Variants in MYO5B observed in about 807,000 individuals in gnomAD.
The protein encoded by MYO5B is unconventional myosin-Vb.
In MYO5B, 143 loss-of-function variants were observed where a neutral mutation model predicts 229.3. The ratio of observed to expected loss-of-function variants is 0.62; its 90% confidence interval spans 0.54 to 0.72. The LOEUF is 0.72. Among genes scored for constraint, MYO5B ranks in the 30% least tolerant of loss-of-function variants. The pLI, the probability that MYO5B is intolerant of heterozygous loss-of-function variation, is 0.00. For missense variants in MYO5B, 2,321 were observed against 2,331.0 expected (o/e 1.00, Z 0.09); for synonymous variants, 918 against 885.2 (o/e 1.04, Z -0.66).
At chr18:49,849,059 A>G (rs1016113487) in intron 32 of MYO5B, among the ~76,000 whole-genome samples, 1 of 151,936 alleles carries the variant, frequency 6.6e-6, no homozygotes, top group Non-Finnish European at 1.5e-5. Flanking sequence ...TGACATATGT[A>G]AAGAGTGACA....
chr18:50,092,529 T>A (rs2031469317), intron 1 of MYO5B, among the ~76,000 whole-genome samples: 2 of 152,096 alleles, frequency 1.3e-5, no homozygotes, highest in Non-Finnish European at 2.9e-5. Context: ...TGTTTTTTGT[T>A]TTTTTTTAAA....
At position 49,867,673 on chromosome 18, in the gene MYO5B, G is replaced by A. The variant is rs185462730; in HGVS notation, c.3604-3293C>T. Among the ~76,000 whole-genome samples, 9 of 152,254 alleles carry A rather than the reference G, an allele frequency of 5.9e-5. No individual in the cohort carries two copies. In the East Asian group the frequency reaches 1.4e-3, roughly 23 times the overall value. On this transcript the variant is annotated intron_variant, in intron 27 of 39. Coordinates refer to ENST00000285039, the MANE Select transcript of MYO5B (RefSeq NM_001080467.3). ...CCACTACAAAGTAGATATTTCACAC[G>A]GGATGAGCGTTACCACTGGAGGCGG...
At chr18:50,057,170 G>T (rs2030571090) in intron 1 of MYO5B, among the ~76,000 whole-genome samples, 1 of 152,148 alleles carries the variant, frequency 6.6e-6, no homozygotes, top group Admixed American at 6.5e-5. Flanking sequence ...CTACCCCCAG[G>T]TGTCCTCACT....
intron 1 of MYO5B, among the ~76,000 whole-genome samples, chr18:50,159,505 G>A (rs2032731878): frequency 6.6e-6 from 1 of 152,060 alleles, no homozygotes; most frequent in Non-Finnish European, 1.5e-5. Context: ...TCACCCACGG[G>A]AGAGCAGTCA....
chr18:49,891,946 A>G (rs2144125739), intron 22 of MYO5B, among the ~76,000 whole-genome samples: 1 of 152,126 alleles, frequency 6.6e-6, no homozygotes, highest in African/African-American at 2.4e-5. Context: ...CCCCTCTGAG[A>G]GCCAGGCACC....
intron 2 of MYO5B, among the ~76,000 whole-genome samples, chr18:50,047,274 G>A (rs573780882): frequency 2.8e-4 from 42 of 152,252 alleles, no homozygotes; most frequent in Middle Eastern, 6.8e-3. Context: ...CAAAAAGTGG[G>A]TGAAGGATAT....
intron 1 of MYO5B, among the ~76,000 whole-genome samples, chr18:50,176,601 G>A (rs1228891100): frequency 6.6e-6 from 1 of 152,150 alleles, no homozygotes; most frequent in Non-Finnish European, 1.5e-5. Flanking sequence ...CCTGATCAAA[G>A]TTTGGTCCCT....
chr18:49,856,994 G>A (rs1598836339), intron 29 of MYO5B, 104 bp from the exon 30 acceptor site: 13 of 962,160 alleles, frequency 1.4e-5, no homozygotes, highest in Middle Eastern at 2.1e-4. Context: ...GTTTGGAAAC[G>A]AAAAAAAGGC....
chr18:50,019,924 A>G (rs1048891603), intron 4 of MYO5B, among the ~76,000 whole-genome samples: 16 of 152,152 alleles, frequency 1.1e-4, no homozygotes, highest in Non-Finnish European at 1.5e-4. Flanking sequence ...GACAAGTTCA[A>G]GCTAACCTGG....
intron 1 of MYO5B, among the ~76,000 whole-genome samples, chr18:50,061,798 GGAGAA>G (rs1394155604): frequency 6.6e-6 from 1 of 152,150 alleles, no homozygotes; most frequent in Admixed American, 6.5e-5. Flanking sequence ...GGACCTTCAG[GGAGAA>G]GAGAACAGGG....
intron 14 of MYO5B, among the ~76,000 whole-genome samples, chr18:49,939,148 CTTTT>C (rs11313115): frequency 5.9e-5 from 7 of 119,044 alleles, no homozygotes; most frequent in Non-Finnish European, 6.5e-5. Context: ...TCTTTTTTTT[CTTTT>C]TTTTTTTTTT....
rs373285292 is a variant in MYO5B, at chr18:49,902,665, C to T, written c.2740G>A (p.Glu914Lys). Residue 914 changes from glutamate to lysine, a missense_variant, in exon 21 of 40, where the codon GAG becomes AAG. Around this residue, in one of 2 missense-constraint regions of MYO5B, gnomAD observed 2,113 missense variants for 2,044.7 expected, o/e 1.03. Transcript: ENST00000285039. ...KALRIEARSA[E>K]HLKRLNVGME... is the part of the protein sequence containing the mutation. The stretch of plus-strand genomic sequence containing the variant: ...CCCACGTTGAGACGTTTCAGATGCT[C>T]TGCTGAGCGGGCCTCAATCCTGAGG... 2.5e-6 allele frequency: 4 copies of T among 1,613,308 alleles called. No homozygotes were observed. Among genetic ancestry groups the T allele is most frequent in the African/African-American group, 1.3e-5 (1 of 75,060 alleles).
chr18:50,020,402 C>A (rs762626494), intron 4 of MYO5B, among the ~76,000 whole-genome samples: 7 of 152,242 alleles, frequency 4.6e-5, no homozygotes, highest in Non-Finnish European at 8.8e-5. Context: ...CTTTCCTCCT[C>A]CCCTTAAGAT....
intron 1 of MYO5B, among the ~76,000 whole-genome samples, chr18:50,105,507 C>T (rs111729365): frequency 0.01 from 1,539 of 152,302 alleles, 27 homozygotes; most frequent in African/African-American, 0.034. Flanking sequence ...CGACAGTCTC[C>T]TTAAGTTCCG....
At chr18:49,916,955 G>A (rs2025022922) in intron 17 of MYO5B, among the ~76,000 whole-genome samples, 1 of 152,144 alleles carries the variant, frequency 6.6e-6, no homozygotes, top group Admixed American at 6.5e-5. Context: ...TTTTTAAAGG[G>A]GCTTTCTGAT....
At chr18:49,959,548 A>T (rs543353863) in intron 12 of MYO5B, among the ~76,000 whole-genome samples, 3 of 152,176 alleles carry the variant, frequency 2.0e-5, no homozygotes, top group East Asian at 3.9e-4. Flanking sequence ...AGCTGATTTC[A>T]CTCCACAGTC....
At chr18:49,868,964 C>CA (rs980822136) in intron 27 of MYO5B, among the ~76,000 whole-genome samples, 47 of 152,236 alleles carry the variant, frequency 3.1e-4, no homozygotes, top group African/African-American at 1.1e-3. Flanking sequence ...AGGGTTTAAG[C>CA]AAAAAATCAC....
At chr18:50,119,238 A>C (rs1320572483) in intron 1 of MYO5B, among the ~76,000 whole-genome samples, 1 of 152,198 alleles carries the variant, frequency 6.6e-6, no homozygotes, top group East Asian at 1.9e-4. Flanking sequence ...ATGGAGCTGC[A>C]CTGTTCTATC....
At chr18:49,980,922 C>T (rs1277396665) in intron 8 of MYO5B, among the ~76,000 whole-genome samples, 1 of 152,212 alleles carries the variant, frequency 6.6e-6, no homozygotes, top group African/African-American at 2.4e-5. Context: ...TAAGAATGGT[C>T]ATGTATCTGC....
Sources: gnomAD v4.1 joint callset for allele counts (sites outside exome capture counted in the v4.1 genomes callset) on GRCh38, gnomAD v4.1.1 for gene constraint, gnomAD v4.1.1 regional missense constraint, MANE v1.5 for transcripts, NCBI Gene and HGNC (gene_info 2026-07-23, HGNC 2026-07-21) for gene names.